Variants in PSTPIP1 observed in about 807,000 individuals in gnomAD.
PSTPIP1 encodes proline-serine-threonine phosphatase interacting protein 1.
A neutral mutation model predicts 69.6 loss-of-function variants in PSTPIP1; 66 were observed. The ratio of observed to expected loss-of-function variants is 0.95; its 90% CI spans 0.78 to 1.16. The LOEUF (loss-of-function observed/expected upper bound fraction) is 1.16, where lower values mean the gene tolerates loss of function less well. PSTPIP1 is among the 50% of genes most tolerant of loss of function. PSTPIP1 has a pLI of 0.00. For missense variants in PSTPIP1, 603 were observed against 557.4 expected (o/e 1.08, Z -0.82); for synonymous variants, 266 against 222.7 (o/e 1.19, Z -1.73).
In PSTPIP1 at chr15:77,035,790, C is replaced by A; in HGVS notation, c.986-12C>A. On this transcript the variant is annotated splice_polypyrimidine_tract_variant and intron_variant, in intron 13 of 14. Transcript: ENST00000558012. ...CAGAAGGGGAGGGGTCTATGTCTCA[C>A]CCTGCTCTTAGCGTCCACAGAGACC... is the stretch of plus-strand genomic sequence containing the variant. 6.2e-7 allele frequency: 1 copy of A among 1,603,606 alleles called. No individual in the cohort carries two copies. Among genetic ancestry groups the A allele is most frequent in the Non-Finnish European group, 8.5e-7 (1 of 1,178,604 alleles).
At position 77,035,803 on chromosome 15, in the gene PSTPIP1, G is replaced by A. The variant is rs750823506; in HGVS notation, c.987G>A (p.Ala329=). 58 of 1,606,232 alleles carry A rather than the reference G, an allele frequency of 3.6e-5. No homozygotes were observed. In the East Asian group the frequency reaches 5.8e-4, roughly 16 times the overall value. The part of the protein sequence containing the change: ...PKTTSLAASA[A]STETLTPTPE... ...GTCTATGTCTCACCCTGCTCTTAGC[G>A]TCCACAGAGACCCTGACCCCCACCC... Residue 329 remains alanine (A), a splice_region_variant and synonymous_variant, in exon 14 of 15, where the codon GCG becomes GCA. Transcript: ENST00000558012.
chr15:77,029,868 C>G (rs1053124655), intron 8 of PSTPIP1, among the ~76,000 whole-genome samples: 1 of 152,182 alleles, frequency 6.6e-6, no homozygotes, highest in Non-Finnish European at 1.5e-5. Context: ...GTACTTGCCC[C>G]AGGTTACAGC....
chr15:76,994,902 C>T (rs957596615), upstream of PSTPIP1: 29 of 1,281,980 alleles, frequency 2.3e-5, no homozygotes, highest in Admixed American at 6.9e-5. Flanking sequence ...GACTGGCTGG[C>T]GGGTGACACA....
chr15:77,028,573 A>T lies in PSTPIP1; in HGVS notation c.437A>T (p.Gln146Leu). 1 of 1,602,722 alleles carries T rather than the reference A, an allele frequency of 6.2e-7. No homozygotes were observed. The highest frequency in any genetic ancestry group is 8.5e-7 in the Non-Finnish European group (1 of 1,175,406). Reference protein sequence around the residue: ...KAMESKKTYEQKCRDADDAEQ... With the variant: ...KAMESKKTYELKCRDADDAEQ... ...CCCCAGTCCAAGAAGACATACGAGC[A>T]GAAGTGCCGGGACGCGGACGACGCG... The change falls in exon 7 of 15, where the codon CAG (glutamine) becomes CTG (leucine). Residue 146 changes from glutamine (Q) to leucine (L), a missense_variant. Transcript: ENST00000558012.
At chr15:77,007,892 C>T (rs940530933) in intron 1 of PSTPIP1, 9 of 455,998 alleles carry the variant, frequency 2.0e-5, no homozygotes, top group African/African-American at 1.6e-4. Context: ...CCGCGCCCGA[C>T]TGGCAATAGA....
At chr15:77,017,755 C>T (rs953977916) in intron 1 of PSTPIP1, among the ~76,000 whole-genome samples, 1 of 152,238 alleles carries the variant, frequency 6.6e-6, no homozygotes. Flanking sequence ...GGTTTCCCCA[C>T]TTAGCTGAGA....
intron 11 of PSTPIP1, 73 bp from the exon 12 acceptor site, chr15:77,032,789 C>A (rs2076452706): frequency 1.5e-6 from 2 of 1,329,120 alleles, no homozygotes; most frequent in Non-Finnish European, 2.1e-6. Flanking sequence ...GAATGTAGGG[C>A]CCCAGCTGAG....
At chr15:77,036,072 G>A in intron 14 of PSTPIP1, 137 bp downstream of exon 14, 1 of 1,218,650 alleles carries the variant, frequency 8.2e-7, no homozygotes, top group Non-Finnish European at 1.1e-6. Context: ...CCTCAGGAGG[G>A]CACGTGTGCC....
rs1219626085 is a variant in PSTPIP1, at chr15:77,025,547, T to G, written c.297T>G (p.Arg99=). Residue 99 remains arginine (R), a synonymous_variant, in exon 5 of 15, where the codon CGT becomes CGG. Coordinates refer to ENST00000558012, the MANE Select transcript of PSTPIP1 (RefSeq NM_003978.5). ...SSHIQLALTL[R]EELRSLEEFR... is the part of the protein sequence containing the mutation. Reference sequence around the variant, plus strand: ...ACATCCAGCTGGCCCTGACCCTGCGTGAGGAGCTGCGGAGTCTCGAGGAGT... The same window carrying G: ...ACATCCAGCTGGCCCTGACCCTGCGGGAGGAGCTGCGGAGTCTCGAGGAGT... The G allele has an allele frequency of 6.4e-7, 1 of 1,555,180 alleles. No individual in the cohort carries two copies. The highest frequency in any genetic ancestry group is 8.7e-7 in the Non-Finnish European group (1 of 1,149,162).
intron 1 of PSTPIP1, among the ~76,000 whole-genome samples, chr15:77,017,011 C>T (rs1222959295): frequency 6.6e-6 from 1 of 152,122 alleles, no homozygotes; most frequent in Non-Finnish European, 1.5e-5. Flanking sequence ...GTCTCTGAGG[C>T]TTTAGGGGTC....
intron 7 of PSTPIP1, 83 bp from the exon 8 acceptor site, chr15:77,029,446 C>G: frequency 6.7e-7 from 1 of 1,502,508 alleles, no homozygotes; most frequent in Non-Finnish European, 9.0e-7. Flanking sequence ...GCCGGGGAAG[C>G]TTGACAGTCA....
chr15:77,034,107 C>G (rs1224953921), intron 12 of PSTPIP1, among the ~76,000 whole-genome samples: 1 of 152,100 alleles, frequency 6.6e-6, no homozygotes, highest in African/African-American at 2.4e-5. Flanking sequence ...GGTCAGGCCT[C>G]TGGATGGGGC....
chr15:77,028,101 G>A (rs867693289), intron 6 of PSTPIP1, among the ~76,000 whole-genome samples, 187 bp downstream of exon 6: 4 of 152,026 alleles, frequency 2.6e-5, no homozygotes, highest in African/African-American at 7.3e-5. Flanking sequence ...CTATGGCCCC[G>A]TGGGGATGGT....
chr15:76,997,923 G>T (rs866839844), intron 1 of PSTPIP1, among the ~76,000 whole-genome samples: 2 of 150,692 alleles, frequency 1.3e-5, no homozygotes, highest in African/African-American at 5.0e-5. Context: ...CCTTCAGCCT[G>T]CCAGCACACT....
Position 77,003,666 on chromosome 15 carries a change from A to G in PSTPIP1, c.36+8057A>G, listed in dbSNP as rs149355940. ...ACGAAACTCCGTCTCAAAAAAAAAA[A>G]AAGAAGAAGAAGGAAGCGGGCTTCT... is the stretch of plus-strand genomic sequence containing the variant. On this transcript the variant is annotated intron_variant, in intron 1 of 14. Coordinates refer to ENST00000558012, the MANE Select transcript of PSTPIP1 (RefSeq NM_003978.5). 2.5e-4 allele frequency among the ~76,000 whole-genome samples: 38 copies of G among 151,160 alleles called. No homozygotes were observed. In the East Asian group the frequency reaches 7.3e-3, roughly 29 times the overall value.
At chr15:77,029,347 G>C (rs533558143) in intron 7 of PSTPIP1, among the ~76,000 whole-genome samples, 182 bp from the exon 8 acceptor site, 21 of 152,228 alleles carry the variant, frequency 1.4e-4, no homozygotes, top group Non-Finnish European at 2.6e-4. Flanking sequence ...TCTTTCCATG[G>C]AGCTAGCCTG....
intron 7 of PSTPIP1, 144 bp from the exon 8 acceptor site, chr15:77,029,385 T>TG: frequency 1.1e-6 from 1 of 894,526 alleles, no homozygotes; most frequent in Non-Finnish European, 1.7e-6. Flanking sequence ...AGGTTGCTTG[T>TG]GGATGATGGC....
intron 1 of PSTPIP1, among the ~76,000 whole-genome samples, chr15:77,004,797 CTG>C (rs2075783392): frequency 6.6e-6 from 1 of 151,908 alleles, no homozygotes; most frequent in South Asian, 2.1e-4. Context: ...GAGTTGGAAA[CTG>C]TAGTGACTGT....
At chr15:77,029,634 C>T in intron 8 of PSTPIP1, 60 bp downstream of exon 8, 1 of 1,484,248 alleles carries the variant, frequency 6.7e-7, no homozygotes, top group Non-Finnish European at 9.2e-7. Flanking sequence ...ACTCCCCACA[C>T]ACACCTCCTC....
Sources: gnomAD v4.1 joint callset for allele counts (sites outside exome capture counted in the v4.1 genomes callset) on GRCh38, gnomAD v4.1.1 for gene constraint, MANE v1.5 for transcripts, NCBI Gene and HGNC (gene_info 2026-07-23, HGNC 2026-07-21) for gene names.